The following NRG2 variants were observed in gnomAD, a reference collection of about 807,000 sequenced individuals.
The protein encoded by NRG2 is neuregulin 2.
Under a neutral mutation model 73.9 loss-of-function variants are expected in NRG2, and 27 were observed. That is an observed-to-expected ratio of 0.37 (90% confidence interval 0.27 to 0.50). The LOEUF is 0.50. Among genes scored for constraint, NRG2 ranks in the 20% least tolerant of loss-of-function variants. NRG2 has a pLI of 0.96. For missense variants in NRG2, 1,126 were observed against 1,210.1 expected (o/e 0.93, Z 1.03); for synonymous variants, 532 against 541.0 (o/e 0.98, Z 0.23).
At chr5:139,897,376 C>A (rs540668599) in intron 1 of NRG2, among the ~76,000 whole-genome samples, 4 of 152,316 alleles carry the variant, frequency 2.6e-5, no homozygotes, top group African/African-American at 9.6e-5. Context: ...TAATAACCGG[C>A]AGCTCTTATT....
At chr5:139,981,034 G>C (rs1490583662) in intron 1 of NRG2, among the ~76,000 whole-genome samples, 1 of 152,178 alleles carries the variant, frequency 6.6e-6, no homozygotes, top group Non-Finnish European at 1.5e-5. Flanking sequence ...GTTGGGAAAA[G>C]CATCAACAGT....
chr5:140,032,815 A>T (rs1254934115), intron 1 of NRG2, among the ~76,000 whole-genome samples: 1 of 152,222 alleles, frequency 6.6e-6, no homozygotes, highest in Non-Finnish European at 1.5e-5. Context: ...CAGGGGATTG[A>T]TGGCCAGCCA....
At chr5:139,848,733 G>A in intron 9 of NRG2, 36 bp from the exon 10 acceptor site, 1 of 1,372,168 alleles carries the variant, frequency 7.3e-7, no homozygotes, top group Non-Finnish European at 9.4e-7. Flanking sequence ...CCAGGGCCAG[G>A]CCGGGCCGGC....
chr5:139,864,344 T>C (rs963070806), intron 5 of NRG2, among the ~76,000 whole-genome samples: 2 of 151,722 alleles, frequency 1.3e-5, no homozygotes, highest in African/African-American at 4.8e-5. Flanking sequence ...TCCTTGGGCC[T>C]CGGGGCTCAC....
In NRG2 at chr5:139,852,598, G is replaced by C. The variant is rs372198793; in HGVS notation, c.1417-39C>G. ...AGTTGGGCGAGAGTTAGTGACTGGG[G>C]CCCAAATGAACTCTTTCTTGTTGGG... On this transcript the variant is annotated intron_variant, in intron 7 of 9. Transcript: ENST00000361474. This position sits in a 1 kb window ranked among gnomAD's most constrained non-coding sequence, Gnocchi z 4.4. 3.7e-6 allele frequency: 6 copies of C among 1,602,384 alleles called. No homozygotes were observed. Among genetic ancestry groups the C allele is most frequent in the Non-Finnish European group, 4.3e-6 (5 of 1,173,798 alleles).
Position 139,853,033 on chromosome 5 carries a change from C to CAAGGG in NRG2, c.1293-11_1293-7dup. The CAAGGG allele has an allele frequency of 1.9e-6, 3 of 1,613,432 alleles. No homozygotes were observed. Among genetic ancestry groups the CAAGGG allele is most frequent in the Non-Finnish European group, 2.5e-6 (3 of 1,179,746 alleles). ...GCATCTGCTTCCGCTGTTTTCTGCA[C>CAAGGG]AAGGGAAGGGAAGGTGAGGCTGGCA... On this transcript the variant is annotated splice_region_variant and splice_polypyrimidine_tract_variant and intron_variant, in intron 6 of 9. Coordinates refer to ENST00000361474, the MANE Select transcript of NRG2 (RefSeq NM_004883.3). The surrounding 1 kb of genome is among the most constrained non-coding windows in gnomAD (Gnocchi z 4.1).
intron 4 of NRG2, among the ~76,000 whole-genome samples, chr5:139,871,357 GA>G (rs1056993567): frequency 6.6e-6 from 1 of 152,162 alleles, no homozygotes; most frequent in Non-Finnish European, 1.5e-5. Flanking sequence ...GGGAGGAAAA[GA>G]GGGGGGGAAA....
chr5:139,954,232 G>C lies in NRG2; in HGVS notation c.701-66721C>G, dbSNP rs188296945. On this transcript the variant is annotated intron_variant, in intron 1 of 9. Transcript: ENST00000361474. The surrounding 1 kb of genome is among the most constrained non-coding windows in gnomAD (Gnocchi z 5.0). ...AGAAATCCAGCCCAACCCAGGTCAC[G>C]GTCACAGCCCTGAGCAGCCAGCAGC... 1.3e-5 allele frequency among the ~76,000 whole-genome samples: 2 copies of C among 152,270 alleles called. No individual in the cohort carries two copies. Among genetic ancestry groups the C allele is most frequent in the East Asian group, 1.9e-4 (1 of 5,186 alleles).
Position 139,894,080 on chromosome 5 carries a change from C to A in NRG2, c.701-6569G>T, listed in dbSNP as rs184275314. The stretch of plus-strand genomic sequence containing the variant: ...GACCAGGGGGTGCCGCTGCTGCCAG[C>A]AGCTTAACCTCATTCCTCTCGGCAG... On this transcript the variant is annotated intron_variant, in intron 1 of 9. Transcript: ENST00000361474. The surrounding 1 kb of genome is among the most constrained non-coding windows in gnomAD (Gnocchi z 5.0). Among the ~76,000 whole-genome samples, 1 of 152,236 alleles carries A rather than the reference C, an allele frequency of 6.6e-6. No homozygotes were observed. The highest frequency in any genetic ancestry group is 1.5e-5 in the Non-Finnish European group (1 of 68,036).
At chr5:139,971,277 T>C (rs1213135256) in intron 1 of NRG2, among the ~76,000 whole-genome samples, 3 of 152,164 alleles carry the variant, frequency 2.0e-5, no homozygotes, top group Non-Finnish European at 2.9e-5. Flanking sequence ...TCAGCTTTGA[T>C]TCATGGGCCT....
chr5:139,870,398 G>A lies in NRG2; in HGVS notation c.1112+1323C>T, dbSNP rs1193573327. On this transcript the variant is annotated intron_variant, in intron 4 of 9. Coordinates refer to ENST00000361474, the MANE Select transcript of NRG2 (RefSeq NM_004883.3). The surrounding 1 kb of genome is among the most constrained non-coding windows in gnomAD (Gnocchi z 4.4). ...AGGAAGCCAGCTGAGGAGGCCAGCC[G>A]GGGCAAGAGCCCCTCGTTACCATGT... 6.6e-6 allele frequency among the ~76,000 whole-genome samples: 1 copy of A among 152,170 alleles called. No homozygotes were observed. The highest frequency in any genetic ancestry group is 1.5e-5 in the Non-Finnish European group (1 of 68,026).
chr5:139,881,085 CT>C, intron 2 of NRG2, 111 bp from the exon 3 acceptor site: 1 of 804,472 alleles, frequency 1.2e-6, no homozygotes, highest in Non-Finnish European at 2.1e-6. Context: ...GGCCCTGCAG[CT>C]TAGATGGGAA....
rs755885160 is a variant in NRG2 at position 140,000,573 on chromosome 5, T to C, written c.700+41797A>G. On this transcript the variant is annotated intron_variant, in intron 1 of 9. Coordinates refer to ENST00000361474, the MANE Select transcript of NRG2 (RefSeq NM_004883.3). ...GGCGGGCAGGCAGGCGGAATGATTC[T>C]GGGTGAAGGAACATTGTAAATGTTG... 6.3e-4 allele frequency among the ~76,000 whole-genome samples: 96 copies of C among 152,258 alleles called. 2 individuals are homozygous for C. The highest frequency in any genetic ancestry group is 1.3e-4 in the Admixed American group (2 of 15,294).
intron 1 of NRG2, among the ~76,000 whole-genome samples, chr5:139,890,694 C>T (rs1410183917): frequency 1.3e-5 from 2 of 152,128 alleles, no homozygotes; most frequent in African/African-American, 4.8e-5. Flanking sequence ...GGAAGCTTTA[C>T]AAGTCAGGTA....
At chr5:140,025,461 T>C (rs562015927) in intron 1 of NRG2, among the ~76,000 whole-genome samples, 1 of 152,282 alleles carries the variant, frequency 6.6e-6, no homozygotes, top group Admixed American at 6.5e-5. Flanking sequence ...TAATGTTTAT[T>C]GAGCGCCTAT....
chr5:139,932,805 T>C (rs930007110), intron 1 of NRG2, among the ~76,000 whole-genome samples: 1 of 151,996 alleles, frequency 6.6e-6, no homozygotes, highest in African/African-American at 2.4e-5. Context: ...CTCCTAGAAG[T>C]GTCAAGAAGA....
At chr5:139,980,673 G>C (rs1756728828) in intron 1 of NRG2, among the ~76,000 whole-genome samples, 1 of 152,192 alleles carries the variant, frequency 6.6e-6, no homozygotes, top group Non-Finnish European at 1.5e-5. Flanking sequence ...GGAGAGAATT[G>C]TCTGTTCAGA....
intron 1 of NRG2, among the ~76,000 whole-genome samples, chr5:139,971,541 C>G (rs1451786525): frequency 2.0e-5 from 3 of 152,102 alleles, no homozygotes; most frequent in Non-Finnish European, 2.9e-5. Flanking sequence ...TGGCCCAAAC[C>G]CACAAAAGGA....
Position 140,043,190 on chromosome 5 carries a change from CCCGGGGAGGTGG to C in NRG2, c.-133_-122del. On this transcript the variant is annotated 5_prime_UTR_variant, in exon 1 of 10. Transcript: ENST00000361474. The surrounding 1 kb of genome is among the most constrained non-coding windows in gnomAD (Gnocchi z 6.7). ...GCGCCTCTTAGCCCTCCACCGGCAG[CCCGGGGAGGTGG>C]CCCAGCTAGGGCAGGGGGCAGGCGG... 2.5e-6 allele frequency: 3 copies of C among 1,214,876 alleles called. No individual in the cohort carries two copies. Among genetic ancestry groups the C allele is most frequent in the Non-Finnish European group, 3.3e-6 (3 of 905,598 alleles). The allele number at this position is 1,214,876 out of a possible 1,614,324, so 75.3% of individuals were successfully genotyped here. A position where few individuals can be genotyped will look rare whatever the true frequency, so the allele number is the denominator to read the frequency against.
Sources: gnomAD v4.1 joint callset for allele counts (sites outside exome capture counted in the v4.1 genomes callset) on GRCh38, gnomAD v4.1.1 for gene constraint, Gnocchi (gnomAD v3.1) non-coding constraint, MANE v1.5 for transcripts, NCBI Gene and HGNC (gene_info 2026-07-23, HGNC 2026-07-21) for gene names.